KCTD8: variants seen among roughly 807,000 people sequenced by gnomAD.
KCTD8 encodes potassium channel tetramerization domain containing 8.
In KCTD8, 27 loss-of-function variants were observed where a neutral mutation model predicts 31.5. That is an observed-to-expected ratio of 0.86 (90% CI 0.63 to 1.18). The LOEUF (loss-of-function observed/expected upper bound fraction) is 1.18. Among genes scored for constraint, KCTD8 ranks in the 50% most tolerant of loss-of-function variants. The pLI, the probability that KCTD8 is intolerant of heterozygous loss-of-function variation, is 0.00. For synonymous variants in KCTD8, 290 were observed against 280.0 expected, an observed-to-expected ratio of 1.04 and a Z score of -0.36; for missense variants, 658 against 647.7, an observed-to-expected ratio of 1.02 and a Z score of -0.17.
intron 1 of KCTD8, among the ~76,000 whole-genome samples, chr4:44,348,162 TG>T (rs1719083242): frequency 6.6e-6 from 1 of 152,146 alleles, no homozygotes; most frequent in African/African-American, 2.4e-5. Flanking sequence ...CATGCAACTT[TG>T]CACGGTAAAG....
chr4:44,444,601 C>T (rs1453948402), intron 1 of KCTD8, among the ~76,000 whole-genome samples: 3 of 152,154 alleles, frequency 2.0e-5, no homozygotes, highest in Non-Finnish European at 4.4e-5. Flanking sequence ...CTAAGCACTA[C>T]ATGTATATTC....
At chr4:44,296,975 T>C (rs1239209202) in intron 1 of KCTD8, among the ~76,000 whole-genome samples, 1 of 152,092 alleles carries the variant, frequency 6.6e-6, no homozygotes, top group African/African-American at 2.4e-5. Flanking sequence ...AGATATATTA[T>C]AATAAATTTC....
chr4:44,314,706 G>T (rs1054951228), intron 1 of KCTD8, among the ~76,000 whole-genome samples: 4 of 151,824 alleles, frequency 2.6e-5, no homozygotes, highest in Non-Finnish European at 5.9e-5. Flanking sequence ...CATATATTCT[G>T]CAACTTACTT....
chr4:44,376,741 C>T (rs1024884506), intron 1 of KCTD8, among the ~76,000 whole-genome samples: 1 of 152,130 alleles, frequency 6.6e-6, no homozygotes, highest in Non-Finnish European at 1.5e-5. Context: ...GTGAAAGGAG[C>T]ACCAACAGAG....
chr4:44,361,234 A>G (rs1719487862), intron 1 of KCTD8, among the ~76,000 whole-genome samples: 2 of 152,066 alleles, frequency 1.3e-5, no homozygotes, highest in Admixed American at 1.3e-4. Flanking sequence ...AAAGATCTGT[A>G]TTCTTGTCAG....
intron 1 of KCTD8, among the ~76,000 whole-genome samples, chr4:44,444,981 T>A (rs1721905469): frequency 6.6e-6 from 1 of 152,156 alleles, no homozygotes; most frequent in Non-Finnish European, 1.5e-5. Flanking sequence ...AAATAAAAGC[T>A]ATTAAGGTTA....
chr4:44,175,995 A>C (rs1713203444), intron 1 of KCTD8, among the ~76,000 whole-genome samples: 1 of 152,184 alleles, frequency 6.6e-6, no homozygotes, highest in Non-Finnish European at 1.5e-5. Context: ...TACCAAGATA[A>C]TTATTTCAAA....
intron 1 of KCTD8, among the ~76,000 whole-genome samples, chr4:44,431,259 C>T (rs1721495506): frequency 6.6e-6 from 1 of 151,470 alleles, no homozygotes; most frequent in South Asian, 2.1e-4. Context: ...CACAAAAGCA[C>T]AATAATTATT....
intron 1 of KCTD8, among the ~76,000 whole-genome samples, chr4:44,205,032 T>C (rs964050456): frequency 2.4e-4 from 37 of 152,070 alleles, no homozygotes; most frequent in African/African-American, 7.5e-4. Context: ...TCTGGAGAGA[T>C]TGAAAAAATA....
intron 1 of KCTD8, among the ~76,000 whole-genome samples, chr4:44,266,886 T>G (rs1291947824): frequency 6.6e-6 from 1 of 151,460 alleles, no homozygotes; most frequent in East Asian, 1.9e-4. Context: ...GCACCCAGAT[T>G]CATAAAGCAA....
At chr4:44,425,031 T>C (rs184602396) in intron 1 of KCTD8, among the ~76,000 whole-genome samples, 18 of 152,032 alleles carry the variant, frequency 1.2e-4, no homozygotes, top group Admixed American at 9.8e-4. Context: ...GGGACACAGA[T>C]ACACTGAGGA....
intron 1 of KCTD8, among the ~76,000 whole-genome samples, chr4:44,179,906 A>T (rs1713329149): frequency 1.3e-5 from 2 of 152,196 alleles, no homozygotes; most frequent in Non-Finnish European, 2.9e-5. Flanking sequence ...TGATTACTCT[A>T]GTTGCCCAGT....
chr4:44,415,886 G>A (rs1291732453), intron 1 of KCTD8, among the ~76,000 whole-genome samples: 27 of 152,204 alleles, frequency 1.8e-4, no homozygotes, highest in Admixed American at 1.7e-3. Flanking sequence ...GACCCACAGA[G>A]TCCCCACCAG....
In KCTD8 at chr4:44,294,315, C is replaced by T. The variant is rs565195540; in HGVS notation, c.962-119065G>A. Among the ~76,000 whole-genome samples the T allele has an allele frequency of 6.1e-4, 93 of 152,216 alleles. No homozygotes were observed. The Middle Eastern group carries it at 0.01, about 17-fold the overall frequency. ...AAGATTTTGTTAAGACTCCTTTGCC[C>T]GCTGGTGCCTATGAGCCACCAAAGC... On this transcript the variant is annotated intron_variant, in intron 1 of 1. Coordinates refer to ENST00000360029, the MANE Select transcript of KCTD8 (RefSeq NM_198353.3).
intron 1 of KCTD8, among the ~76,000 whole-genome samples, chr4:44,333,561 G>A (rs550202985): frequency 6.6e-6 from 1 of 152,212 alleles, no homozygotes; most frequent in African/African-American, 2.4e-5. Context: ...GTAGCTAACA[G>A]TTGTTTCAGC....
chr4:44,439,898 ATTTTTATTTATTTATTTATT>A (rs1721773145), intron 1 of KCTD8, among the ~76,000 whole-genome samples: 3 of 97,544 alleles, frequency 3.1e-5, no homozygotes, highest in African/African-American at 6.1e-5. Flanking sequence ...CCAATCATTT[ATTTTTATTTATTTATTTATT>A]TATTTATTTA....
intron 1 of KCTD8, among the ~76,000 whole-genome samples, chr4:44,412,595 T>C (rs1296542740): frequency 6.6e-6 from 1 of 152,170 alleles, no homozygotes; most frequent in Non-Finnish European, 1.5e-5. Flanking sequence ...GAGAGAGCAT[T>C]AAGCCACATA....
chr4:44,403,576 C>A (rs1271273439), intron 1 of KCTD8, among the ~76,000 whole-genome samples: 1 of 152,140 alleles, frequency 6.6e-6, no homozygotes, highest in Non-Finnish European at 1.5e-5. Context: ...GCCACCTTCT[C>A]ACTCTATCTT....
At chr4:44,218,232 C>T (rs1322688246) in intron 1 of KCTD8, among the ~76,000 whole-genome samples, 5 of 137,668 alleles carry the variant, frequency 3.6e-5, no homozygotes, top group African/African-American at 8.2e-5. Flanking sequence ...CTCCTGAGTT[C>T]AAGCAATTCT....
Sources: gnomAD v4.1 joint callset for allele counts (sites outside exome capture counted in the v4.1 genomes callset) on GRCh38, gnomAD v4.1.1 for gene constraint, MANE v1.5 for transcripts, NCBI Gene and HGNC (gene_info 2026-07-23, HGNC 2026-07-21) for gene names.